The following ARHGEF10 variants were observed in gnomAD, a reference collection of about 807,000 sequenced individuals.
ARHGEF10 encodes the protein Rho guanine nucleotide exchange factor (GEF) 10.
A neutral mutation model predicts 147.4 loss-of-function variants in ARHGEF10; 140 were observed. The observed-to-expected ratio is 0.95, with a 90% CI of 0.83 to 1.09. ARHGEF10 has a LOEUF of 1.09. Ranked by LOEUF, ARHGEF10 falls within the 50% of genes least tolerant of loss-of-function variation. The pLI, the probability that ARHGEF10 is intolerant of heterozygous loss-of-function variation, is 0.00. For missense variants in ARHGEF10, 2,222 were observed against 1,752.7 expected (o/e 1.27, Z -4.78); for synonymous variants, 902 against 695.8 (o/e 1.30, Z -4.67).
intron 14 of ARHGEF10, 68 bp downstream of exon 14, chr8:1,896,517 C>T: frequency 9.3e-7 from 1 of 1,080,178 alleles, no homozygotes; most frequent in Non-Finnish European, 1.4e-6. Context: ...CAAAGCTTGA[C>T]TCTGAATGCA....
At chr8:1,923,928 C>T (rs895597640) in intron 21 of ARHGEF10, 54 bp downstream of exon 21, 2 of 1,540,284 alleles carry the variant, frequency 1.3e-6, no homozygotes, top group South Asian at 1.1e-5. Flanking sequence ...TGATGAATTC[C>T]TGCCCACGAG....
At chr8:1,831,993 G>A (rs2129035690) in intron 1 of ARHGEF10, among the ~76,000 whole-genome samples, 1 of 152,294 alleles carries the variant, frequency 6.6e-6, no homozygotes, top group African/African-American at 2.4e-5. Flanking sequence ...CGAGCCTGTG[G>A]GTGTGGCCGC....
chr8:1,885,235 T>C (rs1330650256), intron 10 of ARHGEF10, among the ~76,000 whole-genome samples: 5 of 152,246 alleles, frequency 3.3e-5, no homozygotes, highest in Admixed American at 6.5e-5. Flanking sequence ...TGTGTTTCCT[T>C]GTTTCTGATT....
intron 1 of ARHGEF10, chr8:1,826,087 G>C (rs754859764): frequency 1.8e-5 from 28 of 1,592,398 alleles, no homozygotes; most frequent in Non-Finnish European, 2.1e-5. Flanking sequence ...CGGCAGTTAC[G>C]GATGCATAAC....
chr8:1,858,806 T>A lies in ARHGEF10; in HGVS notation c.193+691T>A, dbSNP rs948540684. 2.4e-4 allele frequency: 39 copies of A among 165,142 alleles called. 1 individual carries two copies. Among genetic ancestry groups the A allele is most frequent in the Admixed American group, 2.2e-3 (34 of 15,694 alleles). 10.2% of individuals were successfully genotyped at this position (165,142 alleles called of 1,614,324 possible). A position where few individuals can be genotyped will look rare whatever the true frequency, so the allele number is the denominator to read the frequency against. ...GCAGCGTTCCTCTTGGCTCGCACGG[T>A]GTTTCTTCAGGTGTAGTACCAGCCT... On this transcript the variant is annotated intron_variant, in intron 3 of 28. Coordinates refer to ENST00000349830, the MANE Select transcript of ARHGEF10 (RefSeq NM_014629.4).
chr8:1,883,600 T>C (rs913591614), intron 10 of ARHGEF10, among the ~76,000 whole-genome samples: 1 of 152,210 alleles, frequency 6.6e-6, no homozygotes, highest in African/African-American at 2.4e-5. Flanking sequence ...TCAGTCCTAA[T>C]GAAGCCCTCG....
At chr8:1,858,165 T>TGGGTCCCCAGGTGGGTCCCCAGGTG in intron 3 of ARHGEF10, 50 bp downstream of exon 3, 1 of 1,557,474 alleles carries the variant, frequency 6.4e-7, no homozygotes, top group Non-Finnish European at 8.7e-7. Context: ...GGTCCCCAGG[T>TGGGTCCCCAGGTGGGTCCCCAGGTG]GAGTCCCCAG....
chr8:1,880,699 C>T (rs940704800), intron 9 of ARHGEF10, among the ~76,000 whole-genome samples: 2 of 152,108 alleles, frequency 1.3e-5, no homozygotes, highest in Non-Finnish European at 2.9e-5. Context: ...TGAGAACTGC[C>T]GGACCTGAGT....
rs529842428 is a variant in ARHGEF10 at position 1,860,849 on chromosome 8, G to A, written c.481+665G>A. Among the ~76,000 whole-genome samples the A allele has an allele frequency of 3.2e-4, 49 of 152,276 alleles. No homozygotes were observed. The South Asian group carries it at 4.6e-3, about 14-fold the overall frequency. On this transcript the variant is annotated intron_variant, in intron 4 of 28. Transcript: ENST00000349830. ...GACTCAGACTCCCTGGGGTCAAAGCGTGTGTCTCGCTGTCTTCATTCCAGA... is the reference window on the plus strand; with the variant it reads ...GACTCAGACTCCCTGGGGTCAAAGCATGTGTCTCGCTGTCTTCATTCCAGA...
rs988829493 is a variant in ARHGEF10, at chr8:1,937,298, C to T, written c.3222+3356C>T. Among the ~76,000 whole-genome samples, 3 of 152,170 alleles carry T rather than the reference C, an allele frequency of 2.0e-5. No homozygotes were observed. The highest frequency in any genetic ancestry group is 4.4e-5 in the Non-Finnish European group (3 of 68,036). On this transcript the variant is annotated intron_variant, in intron 26 of 28. Transcript: ENST00000349830. This position sits in a 1 kb window ranked among gnomAD's most constrained non-coding sequence, Gnocchi z 4.9. The stretch of plus-strand genomic sequence containing the variant: ...CAGGGTAGCCCCGTGGATGCGGTCA[C>T]AGCTTCTTGAGTTTTTCACAGCCCT...
intron 1 of ARHGEF10, among the ~76,000 whole-genome samples, chr8:1,826,320 G>C (rs1784565696): frequency 6.6e-6 from 1 of 152,172 alleles, no homozygotes; most frequent in Non-Finnish European, 1.5e-5. Flanking sequence ...TCTGCAGTTT[G>C]TGTGTGCATA....
At chr8:1,891,801 C>G (rs1312209674) in intron 11 of ARHGEF10, among the ~76,000 whole-genome samples, 1 of 152,060 alleles carries the variant, frequency 6.6e-6, no homozygotes, top group Non-Finnish European at 1.5e-5. Flanking sequence ...TCAGATTGAG[C>G]TGCCAGAAAG....
rs138769512 is a variant in ARHGEF10, at chr8:1,876,719, C to A, written c.828C>A (p.Ser276Arg). ...GGATTCCCAGGTCCTTCCTGCGCAG[C>A]AACCACAAAAAGCAAGTACGTGTTC... is the stretch of plus-strand genomic sequence containing the variant. The part of the protein sequence containing the change: ...KNGIPRSFLR[S>R]NHKKQLSHDL... Residue 276 changes from serine to arginine, a missense_variant, in exon 8 of 29, where the codon AGC becomes AGA. Transcript: ENST00000349830. 1 of 1,614,172 alleles carries A rather than the reference C, an allele frequency of 6.2e-7. No individual in the cohort carries two copies. Among genetic ancestry groups the A allele is most frequent in the African/African-American group, 1.3e-5 (1 of 75,044 alleles).
intron 1 of ARHGEF10, among the ~76,000 whole-genome samples, chr8:1,833,079 GAGAC>G (rs1563149573): frequency 1.8e-5 from 1 of 54,224 alleles, no homozygotes. Flanking sequence ...CAGAGGCAGA[GAGAC>G]AGAGACAGAG....
chr8:1,881,122 G>C (rs1212910186), intron 9 of ARHGEF10, among the ~76,000 whole-genome samples: 1 of 152,204 alleles, frequency 6.6e-6, no homozygotes, highest in Non-Finnish European at 1.5e-5. Context: ...GGCTGAAGCA[G>C]GTGAGGGCAC....
chr8:1,842,042 TGGGGCCGCGGCGGGAAC>T (rs1804127723), intron 1 of ARHGEF10, among the ~76,000 whole-genome samples: 1 of 102,398 alleles, frequency 9.8e-6, no homozygotes, highest in East Asian at 3.5e-4. Flanking sequence ...CGGCGGGAAC[TGGGGCCGCGGCGGGAAC>T]TGGGGCCGCG....
intron 15 of ARHGEF10, among the ~76,000 whole-genome samples, chr8:1,899,864 G>C (rs1007531604): frequency 6.6e-6 from 1 of 152,172 alleles, no homozygotes; most frequent in South Asian, 2.1e-4. Context: ...TGGGAGGAAG[G>C]GGGTCAGGCC....
intron 14 of ARHGEF10, among the ~76,000 whole-genome samples, chr8:1,896,820 G>C (rs1167337661): frequency 6.6e-6 from 1 of 152,170 alleles, no homozygotes; most frequent in Non-Finnish European, 1.5e-5. Flanking sequence ...GAGAGGCACC[G>C]GCCTGGAGAG....
chr8:1,832,085 G>C (rs1376074048), intron 1 of ARHGEF10, among the ~76,000 whole-genome samples: 2 of 152,148 alleles, frequency 1.3e-5, no homozygotes, highest in Non-Finnish European at 2.9e-5. Flanking sequence ...GCGGTGGGTC[G>C]AGGGTGGTTT....
Sources: gnomAD v4.1 joint callset for allele counts (sites outside exome capture counted in the v4.1 genomes callset) on GRCh38, gnomAD v4.1.1 for gene constraint, Gnocchi (gnomAD v3.1) non-coding constraint, MANE v1.5 for transcripts, NCBI Gene and HGNC (gene_info 2026-07-23, HGNC 2026-07-21) for gene names.